GRIK2: variants seen among roughly 807,000 people sequenced by gnomAD.
GRIK2 encodes the protein glutamate ionotropic receptor kainate type subunit 2, also known as glutamate receptor ionotropic, kainate 2.
GRIK2 carries 32 observed loss-of-function variants against 100.3 expected under a neutral mutation model. The ratio of observed to expected loss-of-function variants is 0.32; its 90% confidence interval spans 0.24 to 0.43. The LOEUF (loss-of-function observed/expected upper bound fraction) is 0.43, where lower values mean the gene tolerates loss of function less well. GRIK2 is among the 20% of genes least tolerant of loss of function. The pLI is 1.00. For synonymous variants in GRIK2, 417 were observed against 389.4 expected (o/e 1.07, Z -0.83); for missense variants, 843 against 1,114.9 (o/e 0.76, Z 3.47).
rs541576238 is a variant in GRIK2 at position 101,849,873 on chromosome 6, G to A, written c.1318-9414G>A. 2.5e-4 allele frequency among the ~76,000 whole-genome samples: 24 copies of A among 95,360 alleles called. No individual in the cohort carries two copies. The East Asian group carries it at 9.0e-3, about 36-fold the overall frequency. 62.6% of individuals were successfully genotyped at this position (95,360 alleles called of 152,430 possible). ...CTATGTTCATTAAGGAAAAAAAAAG[G>A]CACCATTAGGTAATATTTTCTAAAT... On this transcript the variant is annotated intron_variant, in intron 10 of 16. Transcript: ENST00000369134.
chr6:101,534,363 G>A (rs779596863), intron 2 of GRIK2, among the ~76,000 whole-genome samples: 4 of 151,860 alleles, frequency 2.6e-5, no homozygotes, highest in Admixed American at 6.6e-5. Flanking sequence ...TTTTGAGGAA[G>A]TAAATAACTT....
chr6:101,792,970 A>G (rs1323663872), intron 7 of GRIK2, among the ~76,000 whole-genome samples: 2 of 151,788 alleles, frequency 1.3e-5, no homozygotes, highest in Non-Finnish European at 2.9e-5. Flanking sequence ...ATCTTCCATC[A>G]CTGATACCCT....
intron 7 of GRIK2, among the ~76,000 whole-genome samples, chr6:101,785,610 A>G (rs1013576418): frequency 6.6e-6 from 1 of 152,080 alleles, no homozygotes; most frequent in Non-Finnish European, 1.5e-5. Context: ...GCTCCTTTTC[A>G]AAAATCAGTA....
At chr6:101,799,588 A>T (rs1780544533) in intron 7 of GRIK2, 60 bp from the exon 8 acceptor site, 1 of 1,385,010 alleles carries the variant, frequency 7.2e-7, no homozygotes, top group Admixed American at 1.7e-5. Context: ...CTTGCAAACC[A>T]TCTACCACAA....
intron 2 of GRIK2, among the ~76,000 whole-genome samples, chr6:101,477,934 C>T (rs1180514914): frequency 6.6e-6 from 1 of 152,054 alleles, no homozygotes; most frequent in African/African-American, 2.4e-5. Flanking sequence ...CTAGAGGTAG[C>T]TTTTAAAAAT....
chr6:101,728,756 T>G (rs1775051107), intron 7 of GRIK2, among the ~76,000 whole-genome samples: 1 of 152,062 alleles, frequency 6.6e-6, no homozygotes, highest in South Asian at 2.1e-4. Flanking sequence ...CTGTTGATAT[T>G]TATCTGGATA....
At chr6:101,565,953 AT>A (rs1216530353) in intron 2 of GRIK2, among the ~76,000 whole-genome samples, 3 of 145,750 alleles carry the variant, frequency 2.1e-5, no homozygotes, top group African/African-American at 7.5e-5. Flanking sequence ...ATATATATAT[AT>A]ATATAAGCAA....
intron 14 of GRIK2, among the ~76,000 whole-genome samples, chr6:102,000,424 A>G (rs1284040798): frequency 1.3e-5 from 2 of 151,636 alleles, no homozygotes; most frequent in African/African-American, 2.4e-5. Flanking sequence ...CCTCCTCCCT[A>G]CCTCACCCCT....
At chr6:101,890,973 G>T (rs1024708339) in intron 12 of GRIK2, among the ~76,000 whole-genome samples, 2 of 65,412 alleles carry the variant, frequency 3.1e-5, no homozygotes, top group African/African-American at 8.8e-5. Context: ...CCTATAAAGT[G>T]TACATATATA....
chr6:101,852,635 A>G (rs539900859), intron 10 of GRIK2, among the ~76,000 whole-genome samples: 1 of 152,184 alleles, frequency 6.6e-6, no homozygotes, highest in Non-Finnish European at 1.5e-5. Flanking sequence ...GAAGGCTTAC[A>G]TATAAATCAT....
chr6:102,015,271 C>G (rs1259570128), intron 14 of GRIK2, among the ~76,000 whole-genome samples: 4 of 151,040 alleles, frequency 2.6e-5, no homozygotes, highest in African/African-American at 9.7e-5. Flanking sequence ...CTGCATTTTT[C>G]TTTGTTTCTC....
At chr6:101,450,464 A>G (rs914999519) in intron 2 of GRIK2, among the ~76,000 whole-genome samples, 3 of 151,714 alleles carry the variant, frequency 2.0e-5, no homozygotes, top group Non-Finnish European at 4.4e-5. Flanking sequence ...GAAATTTGGA[A>G]GTCTCAAGAC....
intron 7 of GRIK2, among the ~76,000 whole-genome samples, chr6:101,714,162 C>T (rs1036615105): frequency 6.6e-6 from 1 of 151,694 alleles, no homozygotes; most frequent in Non-Finnish European, 1.5e-5. Flanking sequence ...TTCTCCAGAG[C>T]TGATCAAGCA....
intron 2 of GRIK2, among the ~76,000 whole-genome samples, chr6:101,526,116 C>A (rs1262443657): frequency 6.6e-6 from 1 of 152,166 alleles, no homozygotes; most frequent in Non-Finnish European, 1.5e-5. Context: ...CTCTATCTGT[C>A]CGACCTCAGT....
chr6:101,543,789 A>G (rs1776111250), intron 2 of GRIK2, among the ~76,000 whole-genome samples: 1 of 152,226 alleles, frequency 6.6e-6, no homozygotes, highest in African/African-American at 2.4e-5. Context: ...TAAACAGTGA[A>G]TGGCCCAAAG....
chr6:101,754,514 C>G (rs1016983575), intron 7 of GRIK2, among the ~76,000 whole-genome samples: 6 of 152,200 alleles, frequency 3.9e-5, no homozygotes, highest in African/African-American at 1.4e-4. Context: ...GTTTACCCTA[C>G]AGTAGACCTA....
chr6:101,727,505 C>T (rs1038077241), intron 7 of GRIK2, among the ~76,000 whole-genome samples: 4 of 152,110 alleles, frequency 2.6e-5, no homozygotes, highest in Non-Finnish European at 5.9e-5. Flanking sequence ...TGGTCAACTT[C>T]CTACAGCTCA....
intron 2 of GRIK2, among the ~76,000 whole-genome samples, chr6:101,558,370 C>G (rs1776843548): frequency 6.6e-6 from 1 of 152,164 alleles, no homozygotes. Context: ...GCTGAGTGCT[C>G]TAACACAACT....
chr6:101,976,318 A>G (rs1411868042), intron 14 of GRIK2, among the ~76,000 whole-genome samples: 3 of 151,882 alleles, frequency 2.0e-5, no homozygotes, highest in South Asian at 2.1e-4. Context: ...AAATGGCTAT[A>G]TTTTTTCCAG....
Sources: allele counts gnomAD v4.1 joint callset (sites outside exome capture counted in the v4.1 genomes callset), GRCh38; gene constraint gnomAD v4.1.1; transcripts MANE v1.5; gene names NCBI Gene and HGNC (gene_info 2026-07-23, HGNC 2026-07-21).